TNKS: variants seen among roughly 807,000 people sequenced by gnomAD.
TNKS encodes poly [ADP-ribose] polymerase tankyrase-1.
TNKS carries 72 observed loss-of-function variants against 135.8 expected under a neutral mutation model. That is an observed-to-expected ratio of 0.53 (90% CI 0.44 to 0.64). The LOEUF is 0.64. Among genes scored for constraint, TNKS ranks in the 30% least tolerant of loss-of-function variants. The pLI is 0.00. For missense variants in TNKS, 1,769 were observed against 1,674.0 expected (o/e 1.06, Z -0.99); for synonymous variants, 849 against 649.3 (o/e 1.31, Z -4.68).
rs751996427 is a variant in TNKS, at chr8:9,726,731, G to A, written c.2001+11G>A. 6.2e-7 allele frequency: 1 copy of A among 1,605,898 alleles called. No homozygotes were observed. Among genetic ancestry groups the A allele is most frequent in the African/African-American group, 1.3e-5 (1 of 74,804 alleles). On this transcript the variant is annotated intron_variant, in intron 13 of 26. Transcript: ENST00000310430. ...TTGGAAACTGTGAAGGTAAGTCAGT[G>A]CCCTTAATATCTGGAATAGCACTGT... is the stretch of plus-strand genomic sequence containing the variant.
intron 25 of TNKS, 62 bp from the exon 26 acceptor site, chr8:9,770,044 C>G (rs958731512): frequency 7.0e-7 from 1 of 1,437,242 alleles, no homozygotes; most frequent in Non-Finnish European, 9.4e-7. Context: ...ATAGATCTAG[C>G]AGTTATATTA....
intron 2 of TNKS, among the ~76,000 whole-genome samples, chr8:9,587,397 A>ATTTTTTTTTTTTTTT (rs71201955): frequency 7.1e-6 from 1 of 141,398 alleles, no homozygotes. Context: ...CGACACCTTG[A>ATTTTTTTTTTTTTTT]TTTTTTTTTT....
intron 12 of TNKS, among the ~76,000 whole-genome samples, chr8:9,723,525 G>A (rs966963152): frequency 1.3e-5 from 2 of 152,132 alleles, no homozygotes; most frequent in African/African-American, 4.8e-5. Context: ...GGCAATATTT[G>A]TGTCAAAACT....
chr8:9,720,391 C>T lies in TNKS; in HGVS notation c.1767C>T (p.Thr589=), dbSNP rs748247638. ...KHGAKMNALD[T]LGQTALHRAA... The stretch of plus-strand genomic sequence containing the variant: ...TTTTTCAGATGAATGCACTGGACAC[C>T]CTTGGTCAGACTGCTTTGCATAGAG... The change falls in exon 12 of 27, where the codon ACC becomes ACT. Residue 589 remains threonine (T), a synonymous_variant. Transcript: ENST00000310430. 1.2e-6 allele frequency: 2 copies of T among 1,611,734 alleles called. No individual in the cohort carries two copies. Among genetic ancestry groups the T allele is most frequent in the East Asian group, 2.2e-5 (1 of 44,830 alleles).
chr8:9,692,790 G>T (rs1803339136), intron 5 of TNKS, among the ~76,000 whole-genome samples: 1 of 152,058 alleles, frequency 6.6e-6, no homozygotes, highest in Non-Finnish European at 1.5e-5. Context: ...TCATTCTAGT[G>T]TTCCAAAAGT....
intron 3 of TNKS, among the ~76,000 whole-genome samples, chr8:9,663,658 T>C (rs1008301396): frequency 6.6e-6 from 1 of 152,198 alleles, no homozygotes; most frequent in Admixed American, 6.5e-5. Flanking sequence ...TGGCTGTCAA[T>C]TGGGGGTTCC....
chr8:9,571,240 A>G (rs1490084693), intron 1 of TNKS, among the ~76,000 whole-genome samples: 1 of 152,162 alleles, frequency 6.6e-6, no homozygotes. Flanking sequence ...GGCTGCCAAG[A>G]TTGATGTATA....
chr8:9,680,857 G>A, intron 5 of TNKS, 57 bp downstream of exon 5: 1 of 1,344,058 alleles, frequency 7.4e-7, no homozygotes, highest in Non-Finnish European at 1.1e-6. Context: ...TTTTGTGAAT[G>A]TGGCATATAT....
chr8:9,587,934 C>A (rs1420821440), intron 2 of TNKS, among the ~76,000 whole-genome samples: 2 of 152,112 alleles, frequency 1.3e-5, no homozygotes, highest in Non-Finnish European at 2.9e-5. Flanking sequence ...ATTAAAACTG[C>A]TTTCTTGGAA....
chr8:9,715,919 C>T (rs1391514671), intron 11 of TNKS, among the ~76,000 whole-genome samples: 1 of 152,072 alleles, frequency 6.6e-6, no homozygotes, highest in African/African-American at 2.4e-5. Flanking sequence ...TTAGTCTGCC[C>T]TGGCATTCTG....
intron 14 of TNKS, among the ~76,000 whole-genome samples, chr8:9,732,342 T>G (rs974402772): frequency 6.6e-6 from 1 of 152,216 alleles, no homozygotes; most frequent in African/African-American, 2.4e-5. Context: ...ATTCCCGTGT[T>G]CTGAGTTAAT....
intron 3 of TNKS, among the ~76,000 whole-genome samples, chr8:9,625,996 G>GT (rs1229007135): frequency 3.9e-5 from 6 of 152,128 alleles, no homozygotes; most frequent in Admixed American, 2.6e-4. Flanking sequence ...CAGTTGTTGA[G>GT]TAGTGAAGTT....
rs912326027 is a variant in TNKS at position 9,735,408 on chromosome 8, T to C, written c.2565T>C (p.Tyr855=). The change falls in exon 17 of 27, where the codon TAT becomes TAC. Residue 855 remains tyrosine, a synonymous_variant. Transcript: ENST00000310430. The part of the protein sequence containing the change: ...AGYNNLEVAE[Y]LLEHGADVNA... ...ATAATAACCTGGAAGTAGCTGAATA[T>C]CTTCTAGAGCATGGAGCTGATGTTA... 5.0e-6 allele frequency: 8 copies of C among 1,614,014 alleles called. No individual in the cohort carries two copies. The highest frequency in any genetic ancestry group is 4.0e-5 in the African/African-American group (3 of 74,920).
At chr8:9,768,744 T>C (rs993561478) in intron 25 of TNKS, among the ~76,000 whole-genome samples, 3 of 152,190 alleles carry the variant, frequency 2.0e-5, no homozygotes, top group African/African-American at 7.2e-5. Context: ...GCCACAAATG[T>C]AGAGAGAGAT....
At chr8:9,717,102 T>TATATATATATATATATATATATTTA in intron 11 of TNKS, among the ~76,000 whole-genome samples, 1 of 122,904 alleles carries the variant, frequency 8.1e-6, no homozygotes, top group Non-Finnish European at 1.7e-5. Context: ...TATATATATA[T>TATATATATATATATATATATATTTA]TTTCAGGGAA....
intron 26 of TNKS, among the ~76,000 whole-genome samples, chr8:9,771,627 A>G (rs1200448395): frequency 8.8e-6 from 1 of 113,476 alleles, no homozygotes; most frequent in Non-Finnish European, 1.8e-5. Context: ...GGAAGGAAAG[A>G]GGGAGGGAAA....
intron 1 of TNKS, among the ~76,000 whole-genome samples, chr8:9,569,575 T>C (rs956580077): frequency 6.6e-6 from 1 of 152,250 alleles, no homozygotes; most frequent in Non-Finnish European, 1.5e-5. Context: ...ACTTACCCAT[T>C]CTACTGTTGA....
chr8:9,726,719 A>C lies in TNKS; in HGVS notation c.2000A>C (p.Lys667Thr). The change falls in exon 13 of 27, where the codon AAG becomes ACG. Residue 667 changes from lysine to threonine, a missense_variant and splice_region_variant. Transcript: ENST00000310430. ...ASKAGDLETV[K>T]QLCSSQNVNC... ...AAAGCTGGAGACTTGGAAACTGTGA[A>C]GGTAAGTCAGTGCCCTTAATATCTG... The C allele has an allele frequency of 2.5e-6, 4 of 1,611,988 alleles. No homozygotes were observed. The highest frequency in any genetic ancestry group is 3.4e-6 in the Non-Finnish European group (4 of 1,179,044).
At chr8:9,741,746 A>G (rs537346685) in intron 17 of TNKS, 1 of 529,532 alleles carries the variant, frequency 1.9e-6, no homozygotes, top group African/African-American at 1.9e-5. Context: ...CTTGTGGCTC[A>G]AGCGTAATGT....
Sources: gnomAD v4.1 joint callset for allele counts (sites outside exome capture counted in the v4.1 genomes callset) on GRCh38, gnomAD v4.1.1 for gene constraint, MANE v1.5 for transcripts, NCBI Gene and HGNC (gene_info 2026-07-23, HGNC 2026-07-21) for gene names.